PPFIA2: variants seen among roughly 807,000 people sequenced by gnomAD.
The protein encoded by PPFIA2 is liprin-alpha-2.
A neutral mutation model predicts 175.5 loss-of-function variants in PPFIA2; 46 were observed. The observed-to-expected ratio is 0.26, with a 90% confidence interval of 0.21 to 0.34. The LOEUF (loss-of-function observed/expected upper bound fraction) is 0.34. PPFIA2 is among the 10% of genes least tolerant of loss of function. PPFIA2 has a pLI of 1.00. For synonymous variants in PPFIA2, 568 were observed against 511.4 expected, an observed-to-expected ratio of 1.11 and a Z score of -1.49; for missense variants, 1,179 against 1,506.1, an observed-to-expected ratio of 0.78 and a Z score of 3.60.
chr12:81,622,731 T>C (rs570434861), intron 4 of PPFIA2, among the ~76,000 whole-genome samples: 6 of 152,252 alleles, frequency 3.9e-5, no homozygotes, highest in Non-Finnish European at 7.4e-5. Context: ...AGGGAAAACC[T>C]GAACCCAACA....
intron 3 of PPFIA2, among the ~76,000 whole-genome samples, chr12:81,682,237 G>GTGCACAC (rs2153577260): frequency 6.6e-6 from 1 of 152,122 alleles, no homozygotes; most frequent in East Asian, 1.9e-4. Context: ...GCAGGGATGT[G>GTGCACAC]TGCACACTGA....
At chr12:81,579,967 A>T (rs1293122285) in intron 4 of PPFIA2, among the ~76,000 whole-genome samples, 1 of 151,706 alleles carries the variant, frequency 6.6e-6, no homozygotes, top group Non-Finnish European at 1.5e-5. Context: ...AATCACTGTA[A>T]CAATTCCAAG....
intron 3 of PPFIA2, among the ~76,000 whole-genome samples, chr12:81,706,017 T>A (rs984374462): frequency 6.6e-6 from 1 of 152,224 alleles, no homozygotes; most frequent in Non-Finnish European, 1.5e-5. Context: ...AGTATTTTTT[T>A]ATTTATTTTT....
At chr12:81,491,633 T>C (rs1040020915) in intron 4 of PPFIA2, among the ~76,000 whole-genome samples, 5 of 151,794 alleles carry the variant, frequency 3.3e-5, no homozygotes, top group African/African-American at 1.2e-4. Context: ...GAGGATACAA[T>C]AGGAAGCAGA....
At chr12:81,519,835 C>T (rs1567167906) in intron 4 of PPFIA2, among the ~76,000 whole-genome samples, 1 of 152,150 alleles carries the variant, frequency 6.6e-6, no homozygotes, top group Non-Finnish European at 1.5e-5. Flanking sequence ...CCAAGATCCC[C>T]AGTAAATGTC....
At chr12:81,391,973 G>A (rs2040212032) in intron 8 of PPFIA2, among the ~76,000 whole-genome samples, 1 of 151,856 alleles carries the variant, frequency 6.6e-6, no homozygotes, top group Non-Finnish European at 1.5e-5. Flanking sequence ...TTTTAAGACT[G>A]GCTTTTGCTC....
chr12:81,307,026 A>G (rs1566042403), intron 22 of PPFIA2, among the ~76,000 whole-genome samples: 2 of 152,172 alleles, frequency 1.3e-5, no homozygotes, highest in Non-Finnish European at 1.5e-5. Flanking sequence ...TGCATTACCA[A>G]TTCCACCTTT....
chr12:81,459,039 T>G (rs538148480), intron 4 of PPFIA2, among the ~76,000 whole-genome samples: 11 of 152,274 alleles, frequency 7.2e-5, no homozygotes, highest in African/African-American at 2.6e-4. Flanking sequence ...GAGTTTATAT[T>G]TTTGTTTGCT....
rs918774044 is a variant in PPFIA2 at position 81,746,013 on chromosome 12, T to C, written c.249+7960A>G. Among the ~76,000 whole-genome samples, 8 of 108,452 alleles carry C rather than the reference T, an allele frequency of 7.4e-5. 1 individual carries two copies. The highest frequency in any genetic ancestry group is 1.8e-4 in the Non-Finnish European group (8 of 43,866). The allele number at this position is 108,452 out of a possible 152,430, so 71.1% of individuals were successfully genotyped here. On this transcript the variant is annotated intron_variant, in intron 3 of 32. Transcript: ENST00000549396. Reference sequence around the variant, plus strand: ...ACTCAATCTTTGTAGAGTCCAAATATGGAGTTTGAGTTAAGACAAAACTTA... The same window carrying C: ...ACTCAATCTTTGTAGAGTCCAAATACGGAGTTTGAGTTAAGACAAAACTTA...
intron 32 of PPFIA2, among the ~76,000 whole-genome samples, chr12:81,261,622 A>C (rs981653595): frequency 5.3e-5 from 8 of 152,286 alleles, no homozygotes; most frequent in African/African-American, 1.7e-4. Flanking sequence ...TAAAGTGCTG[A>C]ATTATTATCA....
At chr12:81,265,492 A>G (rs1187679600) in intron 30 of PPFIA2, among the ~76,000 whole-genome samples, 1 of 152,056 alleles carries the variant, frequency 6.6e-6, no homozygotes, top group Non-Finnish European at 1.5e-5. Context: ...GCTTGTTGAC[A>G]CCTCTCAGAT....
chr12:81,562,459 G>C (rs1036282111), intron 4 of PPFIA2, among the ~76,000 whole-genome samples: 1 of 152,004 alleles, frequency 6.6e-6, no homozygotes, highest in African/African-American at 2.4e-5. Context: ...CACTATTAGG[G>C]GAAAACATTG....
At chr12:81,482,056 C>A (rs544247317) in intron 4 of PPFIA2, among the ~76,000 whole-genome samples, 1 of 151,918 alleles carries the variant, frequency 6.6e-6, no homozygotes, top group Admixed American at 6.6e-5. Context: ...AAAGAAACAA[C>A]CCCATCAAAA....
chr12:81,440,833 T>TATAA (rs1229459148), intron 6 of PPFIA2, among the ~76,000 whole-genome samples: 9 of 148,814 alleles, frequency 6.0e-5, no homozygotes, highest in African/African-American at 2.2e-4. Context: ...TATATATATA[T>TATAA]AAAACAATTC....
chr12:81,479,287 T>C (rs1402637375), intron 4 of PPFIA2, among the ~76,000 whole-genome samples: 2 of 152,166 alleles, frequency 1.3e-5, no homozygotes, highest in Admixed American at 6.6e-5. Flanking sequence ...TGGTAAATAT[T>C]CCTCCGTCCC....
At chr12:81,451,978 C>T (rs1012514167) in intron 5 of PPFIA2, among the ~76,000 whole-genome samples, 3 of 152,182 alleles carry the variant, frequency 2.0e-5, no homozygotes, top group African/African-American at 7.2e-5. Flanking sequence ...ACAAATGGAA[C>T]TCTCTTTGGT....
chr12:81,553,324 ATAT>A (rs2068262838), intron 4 of PPFIA2, among the ~76,000 whole-genome samples: 2 of 152,074 alleles, frequency 1.3e-5, no homozygotes, highest in African/African-American at 4.8e-5. Flanking sequence ...TGTGCCTGTA[ATAT>A]TAATGGTGGT....
At chr12:81,419,727 A>G (rs2045923136) in intron 7 of PPFIA2, among the ~76,000 whole-genome samples, 1 of 152,142 alleles carries the variant, frequency 6.6e-6, no homozygotes, top group South Asian at 2.1e-4. Flanking sequence ...TTGAGAAGGA[A>G]TAAAGAGTAT....
At chr12:81,627,300 T>A (rs2062831183) in intron 4 of PPFIA2, among the ~76,000 whole-genome samples, 1 of 152,136 alleles carries the variant, frequency 6.6e-6, no homozygotes, top group Admixed American at 6.6e-5. Flanking sequence ...AAAATGTTTG[T>A]AACACAAATA....
Sources: allele counts gnomAD v4.1 joint callset (sites outside exome capture counted in the v4.1 genomes callset), GRCh38; gene constraint gnomAD v4.1.1; transcripts MANE v1.5; gene names NCBI Gene and HGNC (gene_info 2026-07-23, HGNC 2026-07-21).